The following FOXP2 variants were observed in gnomAD, a reference collection of about 807,000 sequenced individuals.
FOXP2 encodes the protein forkhead box P2, also known as forkhead box protein P2.
In FOXP2, 12 loss-of-function variants were observed where a neutral mutation model predicts 115.8. That is an observed-to-expected ratio of 0.10 (90% CI 0.07 to 0.17). FOXP2 has a LOEUF of 0.17. Among genes scored for constraint, FOXP2 ranks in the 10% least tolerant of loss-of-function variants. The pLI, the probability that FOXP2 is intolerant of heterozygous loss-of-function variation, is 1.00. For missense variants in FOXP2, 629 were observed against 843.5 expected (o/e 0.75, Z 3.15); for synonymous variants, 328 against 297.7 (o/e 1.10, Z -1.05).
intron 3 of FOXP2, among the ~76,000 whole-genome samples, chr7:114,619,043 A>G (rs1804096299): frequency 6.6e-6 from 1 of 152,180 alleles, no homozygotes; most frequent in East Asian, 1.9e-4. Flanking sequence ...AAACAGCTTG[A>G]ACAAAGTGAC....
intron 2 of FOXP2, among the ~76,000 whole-genome samples, chr7:114,461,481 T>G (rs1258549979): frequency 6.6e-6 from 1 of 152,166 alleles, no homozygotes; most frequent in African/African-American, 2.4e-5. Flanking sequence ...GGAATTTTTT[T>G]TTTTGGCTGA....
At chr7:114,505,661 T>TG (rs550991558) in intron 2 of FOXP2, among the ~76,000 whole-genome samples, 34 of 151,450 alleles carry the variant, frequency 2.2e-4, no homozygotes, top group African/African-American at 6.0e-4. Flanking sequence ...CAACTTCTTT[T>TG]GGGGGGGTCT....
intron 1 of FOXP2, among the ~76,000 whole-genome samples, chr7:114,181,294 A>AT (rs397697823): frequency 4.3e-4 from 64 of 148,922 alleles, no homozygotes; most frequent in Non-Finnish European, 6.1e-4. Flanking sequence ...ATATATATAT[A>AT]AAATGAAGGA....
At chr7:114,225,117 T>A (rs1267796527) in intron 1 of FOXP2, among the ~76,000 whole-genome samples, 2 of 152,158 alleles carry the variant, frequency 1.3e-5, no homozygotes, top group African/African-American at 4.8e-5. Context: ...TTAATTTTTT[T>A]AGGATTTTGG....
At chr7:114,510,687 A>G (rs1798026463) in intron 2 of FOXP2, among the ~76,000 whole-genome samples, 1 of 152,224 alleles carries the variant, frequency 6.6e-6, no homozygotes, top group Non-Finnish European at 1.5e-5. Flanking sequence ...AATGGCGATC[A>G]TTAAAAAGTC....
At chr7:114,341,067 G>A (rs182373556) in intron 2 of FOXP2, among the ~76,000 whole-genome samples, 8 of 151,138 alleles carry the variant, frequency 5.3e-5, no homozygotes, top group African/African-American at 1.9e-4. Context: ...TATTTATCTG[G>A]AAAGCATAAA....
intron 3 of FOXP2, among the ~76,000 whole-genome samples, chr7:114,566,358 G>T (rs1362132698): frequency 6.6e-6 from 1 of 152,058 alleles, no homozygotes; most frequent in Non-Finnish European, 1.5e-5. Flanking sequence ...TGGAGGTGGG[G>T]CCTCACGGGA....
intron 3 of FOXP2, among the ~76,000 whole-genome samples, chr7:114,625,708 A>AAGTGGAC (rs1295543750): frequency 1.3e-5 from 2 of 151,802 alleles, no homozygotes; most frequent in African/African-American, 4.8e-5. Flanking sequence ...CTCAAATTGC[A>AAGTGGAC]AGTGGACGGG....
chr7:114,191,524 T>C (rs1255624550), intron 1 of FOXP2, among the ~76,000 whole-genome samples: 3 of 152,234 alleles, frequency 2.0e-5, no homozygotes, highest in Non-Finnish European at 4.4e-5. Flanking sequence ...GTAGCGGGCA[T>C]ATGGTATCAG....
At chr7:114,092,782 T>G (rs1384168465) in intron 1 of FOXP2, among the ~76,000 whole-genome samples, 1 of 152,170 alleles carries the variant, frequency 6.6e-6, no homozygotes, top group Non-Finnish European at 1.5e-5. Context: ...TGTTCCAGGA[T>G]TTGGTTGATC....
Position 114,359,049 on chromosome 7 carries a change from C to A in FOXP2, c.-10-67453C>A, listed in dbSNP as rs183315712. 3.5e-4 allele frequency among the ~76,000 whole-genome samples: 54 copies of A among 152,280 alleles called. No homozygotes were observed. In the East Asian group the frequency reaches 8.9e-3, roughly 25 times the overall value. On this transcript the variant is annotated intron_variant, in intron 2 of 17. Coordinates refer to the FOXP2 transcript ENST00000634411. ...TTATCAAAGGTCTTCACAGCAGCCC[C>A]TCCCATCACAAGCCAGGACGCCTAG...
At chr7:114,283,650 A>T (rs1796391323) in intron 1 of FOXP2, among the ~76,000 whole-genome samples, 1 of 152,116 alleles carries the variant, frequency 6.6e-6, no homozygotes, top group Non-Finnish European at 1.5e-5. Context: ...ACTAGAAAAA[A>T]ATTAAAATTA....
intron 2 of FOXP2, among the ~76,000 whole-genome samples, chr7:114,434,458 C>A (rs1794251453): frequency 6.7e-6 from 1 of 148,578 alleles, no homozygotes; most frequent in African/African-American, 2.5e-5. Flanking sequence ...GGATAAGGTA[C>A]AGCAATTTGG....
At position 114,654,000 on chromosome 7, in the gene FOXP2, T is replaced by C; in HGVS notation, c.1257T>C (p.Ser419=). ...LHMRPSEPKP[S]PKPLNLVSSV... is the part of the protein sequence containing the mutation. ...TGCGACCCTCAGAGCCCAAACCATCTCCCAAACCTGTAAGTGCATATTGCT... is the reference window on the plus strand; with the variant it reads ...TGCGACCCTCAGAGCCCAAACCATCCCCCAAACCTGTAAGTGCATATTGCT... The change falls in exon 10 of 17, where the codon TCT becomes TCC. Residue 419 remains serine (S), a synonymous_variant. Transcript: ENST00000350908. 6.2e-7 allele frequency: 1 copy of C among 1,613,244 alleles called. No individual in the cohort carries two copies. Among genetic ancestry groups the C allele is most frequent in the East Asian group, 2.2e-5 (1 of 44,858 alleles).
chr7:114,192,562 G>A (rs1006295330), intron 1 of FOXP2, among the ~76,000 whole-genome samples: 2 of 152,132 alleles, frequency 1.3e-5, no homozygotes, highest in Non-Finnish European at 2.9e-5. Flanking sequence ...CTATCAAATT[G>A]TCTTCCAAAG....
intron 1 of FOXP2, among the ~76,000 whole-genome samples, chr7:114,279,602 T>C (rs1004122788): frequency 1.3e-5 from 2 of 152,192 alleles, no homozygotes; most frequent in African/African-American, 4.8e-5. Flanking sequence ...TATTAATGCA[T>C]ACTTGCTTCT....
chr7:114,611,293 T>C lies in FOXP2; in HGVS notation c.259-17247T>C, dbSNP rs1016270811. Among the ~76,000 whole-genome samples the C allele has an allele frequency of 2.0e-4, 30 of 152,350 alleles. No individual in the cohort carries two copies. In the East Asian group the frequency reaches 5.8e-3, roughly 29 times the overall value. ...AAATTTTACTCTAATTTCAACTCTA[T>C]TCATTTTCACTTTAGTATTTAAAGG... On this transcript the variant is annotated intron_variant, in intron 3 of 16. Coordinates refer to ENST00000350908, the MANE Select transcript of FOXP2 (RefSeq NM_014491.4).
intron 2 of FOXP2, among the ~76,000 whole-genome samples, chr7:114,503,539 G>T (rs893066173): frequency 4.7e-5 from 7 of 150,306 alleles, no homozygotes; most frequent in Admixed American, 3.3e-4. Flanking sequence ...TCAACATCAA[G>T]GATACATTTA....
intron 2 of FOXP2, among the ~76,000 whole-genome samples, chr7:114,436,576 A>G (rs1036108887): frequency 5.3e-5 from 8 of 151,926 alleles, no homozygotes; most frequent in Admixed American, 2.0e-4. Context: ...GCACTTTGCT[A>G]GACAGCAAAT....
Sources: gnomAD v4.1 joint callset for allele counts (sites outside exome capture counted in the v4.1 genomes callset) on GRCh38, gnomAD v4.1.1 for gene constraint, MANE v1.5 for transcripts, NCBI Gene and HGNC (gene_info 2026-07-23, HGNC 2026-07-21) for gene names.